SPON2: variants seen among roughly 807,000 people sequenced by gnomAD.
SPON2 encodes spondin 2, also known as spondin-2.
A neutral mutation model predicts 29.9 loss-of-function variants in SPON2; 32 were observed. The ratio of observed to expected loss-of-function variants is 1.07; its 90% CI spans 0.81 to 1.44. SPON2 has a LOEUF of 1.44. SPON2 is among the 40% of genes most tolerant of loss of function. The pLI is 0.00. For missense variants in SPON2, 541 were observed against 455.5 expected, an observed-to-expected ratio of 1.19 and a Z score of -1.71; for synonymous variants, 248 against 209.1, an observed-to-expected ratio of 1.19 and a Z score of -1.61.
chr4:1,198,798 A>G (rs762495539), upstream of SPON2, among the ~76,000 whole-genome samples: 1 of 152,236 alleles, frequency 6.6e-6, no homozygotes, highest in Non-Finnish European at 1.5e-5. Flanking sequence ...GGTACTGAAA[A>G]GAAAACTGAC....
At position 1,167,185 on chromosome 4, in the gene SPON2, G is replaced by T. The variant is rs1241417563; in HGVS notation, c.*287C>A. ...AACTTATAAGGAGACATAATTTAGA[G>T]TAGCTGGAGCCTTGGGGATGACTTT... On this transcript the variant is annotated 3_prime_UTR_variant, in exon 6 of 6. Coordinates refer to ENST00000290902, the MANE Select transcript of SPON2 (RefSeq NM_012445.4). The T allele has an allele frequency of 1.5e-5, 6 of 409,884 alleles. No homozygotes were observed. Among genetic ancestry groups the T allele is most frequent in the Non-Finnish European group, 2.2e-5 (5 of 227,404 alleles). The allele number at this position is 409,884 out of a possible 1,614,324, so 25.4% of individuals were successfully genotyped here. A position where few individuals can be genotyped will look rare whatever the true frequency, so the allele number is the denominator to read the frequency against.
At chr4:1,170,952 A>G (rs1343361791) in intron 4 of SPON2, 47 bp downstream of exon 4, 1 of 1,544,656 alleles carries the variant, frequency 6.5e-7, no homozygotes, top group African/African-American at 1.4e-5. Flanking sequence ...CCCCGTCCCC[A>G]CCGCGGGGGC....
At chr4:1,189,003 A>T (rs952155447) in intron 1 of SPON2, among the ~76,000 whole-genome samples, 4 of 152,258 alleles carry the variant, frequency 2.6e-5, no homozygotes, top group Non-Finnish European at 5.9e-5. Flanking sequence ...ACCACAATTG[A>T]ATGAAATTAC....
chr4:1,177,015 T>C (rs1185698708), upstream of SPON2, among the ~76,000 whole-genome samples: 3 of 152,172 alleles, frequency 2.0e-5, no homozygotes, highest in Non-Finnish European at 2.9e-5. Flanking sequence ...ATTTTGTAGA[T>C]TGGATTCTCT....
intron 1 of SPON2, among the ~76,000 whole-genome samples, chr4:1,191,233 C>A (rs1727908094): frequency 6.6e-6 from 1 of 152,078 alleles, no homozygotes; most frequent in Non-Finnish European, 1.5e-5. Context: ...CTGTAGTAAT[C>A]AAGACAGTAT....
At chr4:1,170,110 C>T (rs1727374736) in intron 5 of SPON2, 2 of 355,664 alleles carry the variant, frequency 5.6e-6, no homozygotes, top group Middle Eastern at 8.0e-4. Context: ...CACAGGTCAC[C>T]TGTGGGTGCG....
At chr4:1,180,503 T>C (rs1727684512) in intron 1 of SPON2, among the ~76,000 whole-genome samples, 1 of 152,180 alleles carries the variant, frequency 6.6e-6, no homozygotes, top group Non-Finnish European at 1.5e-5. Context: ...AAGTATGACC[T>C]ACACATGGGG....
rs1341870774 is a variant in SPON2, at chr4:1,185,489, CCT to C, written c.-238-5950_-238-5949del. ...TTGGGAGGCTGAGGCGAGCGGATCA[CCT>C]GAGGTCGGGAGTTCCACACCAGCCT... is the stretch of plus-strand genomic sequence containing the variant. On this transcript the variant is annotated intron_variant, in intron 1 of 3. Transcript: ENST00000502483. 1.6e-4 allele frequency among the ~76,000 whole-genome samples: 25 copies of C among 151,578 alleles called. 1 individual carries two copies. In the East Asian group the frequency reaches 4.8e-3, roughly 29 times the overall value.
At chr4:1,201,901 C>T (rs1055797319) in intron 1 of SPON2, among the ~76,000 whole-genome samples, 7 of 152,176 alleles carry the variant, frequency 4.6e-5, no homozygotes, top group African/African-American at 7.2e-5. Context: ...CTTCTTGAGC[C>T]GTGGCCTCCA....
intron 1 of SPON2, among the ~76,000 whole-genome samples, chr4:1,207,320 A>G (rs908499375): frequency 7.2e-5 from 11 of 152,228 alleles, no homozygotes; most frequent in African/African-American, 2.4e-4. Context: ...CAGTGTCCAC[A>G]GCCCTGGCCC....
At chr4:1,191,017 A>G (rs1208811694) in intron 1 of SPON2, among the ~76,000 whole-genome samples, 6 of 152,160 alleles carry the variant, frequency 3.9e-5, no homozygotes, top group African/African-American at 1.2e-4. Flanking sequence ...TAAGACAGCA[A>G]TAGTCCCCAT....
chr4:1,189,765 G>A (rs1435799123), intron 1 of SPON2, among the ~76,000 whole-genome samples: 1 of 151,748 alleles, frequency 6.6e-6, no homozygotes, highest in Non-Finnish European at 1.5e-5. Context: ...GAGGCGGGCG[G>A]ATCACAAGGT....
In SPON2 at chr4:1,171,226, C is replaced by A. The variant is rs565037056; in HGVS notation, c.445-36G>T. On this transcript the variant is annotated intron_variant, in intron 3 of 5. Transcript: ENST00000290902. The stretch of plus-strand genomic sequence containing the variant: ...AGCGGCTCAGCGCGCCTGGCCCCGG[C>A]CCCCCGGACCCCGCCCCCGGCCGGC... 123 of 1,430,604 alleles carry A rather than the reference C, an allele frequency of 8.6e-5. No individual in the cohort carries two copies. In the Middle Eastern group the frequency reaches 9.3e-4, roughly 11 times the overall value. 88.6% of individuals were successfully genotyped at this position (1,430,604 alleles called of 1,614,324 possible).
chr4:1,175,008 A>G (rs771865181), upstream of SPON2, among the ~76,000 whole-genome samples: 6 of 152,184 alleles, frequency 3.9e-5, no homozygotes, highest in Non-Finnish European at 8.8e-5. Context: ...GCCTGGAAGG[A>G]TCTCAGGCCC....
At chr4:1,182,349 CA>C (rs991184772) in intron 1 of SPON2, among the ~76,000 whole-genome samples, 9 of 151,502 alleles carry the variant, frequency 5.9e-5, no homozygotes, top group Non-Finnish European at 1.2e-4. Flanking sequence ...AGAAAGTCAA[CA>C]AAAAAATGAA....
chr4:1,204,085 T>C (rs1415073303), intron 1 of SPON2, among the ~76,000 whole-genome samples: 1 of 152,200 alleles, frequency 6.6e-6, no homozygotes. Context: ...TTGGCCAGGC[T>C]GGTCTCAAAC....
chr4:1,207,284 C>T (rs551247059), intron 1 of SPON2, among the ~76,000 whole-genome samples: 42 of 152,196 alleles, frequency 2.8e-4, no homozygotes, highest in African/African-American at 7.7e-4. Context: ...TGGGTGAGTC[C>T]GGCTGCTCGA....
chr4:1,169,881 C>T (rs11726554), intron 5 of SPON2: 25,921 of 159,828 alleles, frequency 0.16, 2,724 homozygotes, highest in African/African-American at 0.3. Context: ...AACTGCCACT[C>T]GGCCCCAGCG....
upstream of SPON2, among the ~76,000 whole-genome samples, chr4:1,176,523 C>G (rs1280140436): frequency 1.3e-5 from 2 of 151,218 alleles, no homozygotes; most frequent in African/African-American, 2.4e-5. Flanking sequence ...TACATTGATT[C>G]ACACAGTACA....
Sources: gnomAD v4.1 joint callset for allele counts (sites outside exome capture counted in the v4.1 genomes callset) on GRCh38, gnomAD v4.1.1 for gene constraint, MANE v1.5 for transcripts, NCBI Gene and HGNC (gene_info 2026-07-23, HGNC 2026-07-21) for gene names.